MYH8: variants seen among roughly 807,000 people sequenced by gnomAD.
The protein encoded by MYH8 is myosin-8.
MYH8 carries 168 observed loss-of-function variants against 233.2 expected under a neutral mutation model. That is an observed-to-expected ratio of 0.72 (90% CI 0.64 to 0.82). MYH8 has a LOEUF of 0.82. Ranked by LOEUF, MYH8 falls within the 40% of genes least tolerant of loss-of-function variation. The probability of loss-of-function intolerance (pLI) is 0.00; values close to 1 mark genes in which losing one functional copy is unlikely to be tolerated. For missense variants in MYH8, 1,995 were observed against 2,327.8 expected (o/e 0.86, Z 2.94); for synonymous variants, 785 against 850.6 (o/e 0.92, Z 1.34).
Position 10,400,608 on chromosome 17 carries a change from C to T in MYH8, c.3517G>A (p.Glu1173Lys). 6.2e-7 allele frequency: 1 copy of T among 1,614,230 alleles called. No homozygotes were observed. The highest frequency in any genetic ancestry group is 1.1e-5 in the South Asian group (1 of 91,088). The stretch of plus-strand genomic sequence containing the variant: ...AGGTCCCTGCGCAGTTTCTGAAACT[C>T]AGCCTCCCGCTTCTTGTTCAATTCC... ...QVELNKKREA[E>K]FQKLRRDLEE... Residue 1173 changes from glutamate (E) to lysine (K), a missense_variant, in exon 27 of 40, where the codon GAG (glutamate) becomes AAG (lysine). Transcript: ENST00000403437. The surrounding 1 kb of genome is among the most constrained non-coding windows in gnomAD (Gnocchi z 4.0).
chr17:10,415,624 G>T lies in MYH8; in HGVS notation c.540-44C>A, dbSNP rs1286225762. On this transcript the variant is annotated intron_variant, in intron 6 of 39. Coordinates refer to ENST00000403437, the MANE Select transcript of MYH8 (RefSeq NM_002472.3). This position sits in a 1 kb window ranked among gnomAD's most constrained non-coding sequence, Gnocchi z 4.1. ...AGAAGAGATCAGAGAACTATGGCCT[G>T]CATTGTCAACATCTAAGACAATCCT... 6.2e-7 allele frequency: 1 copy of T among 1,613,328 alleles called. No homozygotes were observed. The highest frequency in any genetic ancestry group is 2.2e-5 in the East Asian group (1 of 44,870).
chr17:10,412,261 G>A (rs980510690), intron 14 of MYH8, 109 bp downstream of exon 14: 33 of 1,604,936 alleles, frequency 2.1e-5, no homozygotes, highest in Non-Finnish European at 2.5e-5. Context: ...TCTAGGTGCA[G>A]TGTTGGAGCA....
rs892269115 is a variant in MYH8, at chr17:10,398,868, A to G, written c.3881T>C (p.Leu1294Ser). 9 of 1,612,832 alleles carry G rather than the reference A, an allele frequency of 5.6e-6. No homozygotes were observed. The African/African-American group carries it at 6.7e-5, about 12-fold the overall frequency. Residue 1294 changes from leucine to serine, a missense_variant, in exon 29 of 40, where the codon TTA becomes TCA. Transcript: ENST00000403437. Reference protein sequence around the residue: ...QTEAGEYSRQLDEKDALVSQL... With the variant: ...QTEAGEYSRQSDEKDALVSQL... ...AGAGACTAAAGCATCTTTCTCATCT[A>G]ATTGTCGAGAATATTCACCTAGGAA...
At chr17:10,393,284 T>A in intron 35 of MYH8, 74 bp from the exon 36 acceptor site, 1 of 1,585,638 alleles carries the variant, frequency 6.3e-7, no homozygotes, top group Non-Finnish European at 8.7e-7. Context: ...GTCTTACTTG[T>A]TGGTTCGTGC....
Position 10,400,522 on chromosome 17 carries a change from G to C in MYH8, c.3603C>G (p.Asp1201Glu), listed in dbSNP as rs143575170. 6.2e-7 allele frequency: 1 copy of C among 1,614,186 alleles called. No individual in the cohort carries two copies. The highest frequency in any genetic ancestry group is 1.1e-5 in the South Asian group (1 of 91,082). The change falls in exon 27 of 40, where the codon GAC (aspartate) becomes GAG (glutamate). Residue 1201 changes from aspartate (D) to glutamate (E), a missense_variant. Transcript: ENST00000403437. This position sits in a 1 kb window ranked among gnomAD's most constrained non-coding sequence, Gnocchi z 4.0. ...TCTGCTCCCCAAGCTCAGCCATACT[G>C]TCTGCGTGCTTCTTCCGAAGAGCAG... Reference protein sequence around the residue: ...MVAALRKKHADSMAELGEQID... With the variant: ...MVAALRKKHAESMAELGEQID...
At position 10,409,364 on chromosome 17, in the gene MYH8, CA is replaced by C. The variant is rs1209557330; in HGVS notation, c.1811del (p.Leu604ArgfsTer14). 1 of 1,614,200 alleles carries C rather than the reference CA, an allele frequency of 6.2e-7. No individual in the cohort carries two copies. Among genetic ancestry groups the C allele is most frequent in the Admixed American group, 1.7e-5 (1 of 60,034 alleles). On this transcript the variant is annotated frameshift_variant, in exon 16 of 40. Coordinates refer to ENST00000403437, the MANE Select transcript of MYH8 (RefSeq NM_002472.3). LOFTEE classifies it high-confidence loss of function. Reference sequence around the variant, plus strand: ...GGTACAGCCCAACCACAGTATCATTCAGGGGGTCCTTATTTTTGTCCAGCCA... The same window carrying C: ...GGTACAGCCCAACCACAGTATCATTCGGGGGTCCTTATTTTTGTCCAGCCA... ...TGWLDKNKDP[L>X]NDTVVGLYQK...
rs761089254 is a variant in MYH8 at position 10,401,637 on chromosome 17, A to G, written c.2837T>C (p.Leu946Pro). 1 of 1,614,008 alleles carries G rather than the reference A, an allele frequency of 6.2e-7. No individual in the cohort carries two copies. Reference protein sequence around the residue: ...NAELTAKKRKLEDECSELKKD... With the variant: ...NAELTAKKRKPEDECSELKKD... The stretch of plus-strand genomic sequence containing the variant: ...CTTGAGTTCTGAACATTCATCCTCC[A>G]GTTTTCTCTTCTTGGCTGTCAGCTC... The change falls in exon 23 of 40, where the codon CTG becomes CCG. Residue 946 changes from leucine to proline, a missense_variant. Physicochemically the swap from Leu to Pro is moderately conservative, Grantham distance 98 (BLOSUM62 -3). Around this residue, in one of 3 missense-constraint regions of MYH8, gnomAD observed 1,498 missense variants for 1,680.9 expected, o/e 0.89. Coordinates refer to ENST00000403437, the MANE Select transcript of MYH8 (RefSeq NM_002472.3).
Position 10,398,881 on chromosome 17 carries a change from A to G in MYH8, c.3868T>C (p.Tyr1290His). ...TCTTTCTCATCTAATTGTCGAGAAT[A>G]TTCACCTAGGAATAATAGACATAAG... ...RARLQTEAGE[Y>H]SRQLDEKDAL... The change falls in exon 29 of 40, where the codon TAT (tyrosine) becomes CAT (histidine). Residue 1290 changes from tyrosine to histidine, a missense_variant. Around this residue, in one of 3 missense-constraint regions of MYH8, gnomAD observed 1,498 missense variants for 1,680.9 expected, o/e 0.89. Coordinates refer to ENST00000403437, the MANE Select transcript of MYH8 (RefSeq NM_002472.3). The G allele has an allele frequency of 6.2e-7, 1 of 1,611,780 alleles. No homozygotes were observed.
rs776973629 is a variant in MYH8, at chr17:10,406,983, G to A, written c.1966-4C>T. The A allele has an allele frequency of 8.1e-6, 13 of 1,611,430 alleles. No homozygotes were observed. Among genetic ancestry groups the A allele is most frequent in the Non-Finnish European group, 1.1e-5 (13 of 1,177,732 alleles). On this transcript the variant is annotated splice_region_variant and splice_polypyrimidine_tract_variant and intron_variant, in intron 17 of 39. Transcript: ENST00000403437. ...TCATCAATTTATTTAAATTTTCCTA[G>A]AAAACCAGACAGAAAGGACTTGATG... is the stretch of plus-strand genomic sequence containing the variant.
In MYH8 at chr17:10,412,496, C is replaced by A; in HGVS notation, c.1290G>T (p.Leu430=). The stretch of plus-strand genomic sequence containing the variant: ...ACATCTTCTCGTAGACGGCTTTGGC[C>A]AGAGCACCCACCGCATTGTACACCT... ...VQQVYNAVGA[L]AKAVYEKMFL... The change falls in exon 14 of 40, where the codon CTG becomes CTT. Residue 430 remains leucine (L), a synonymous_variant. Coordinates refer to ENST00000403437, the MANE Select transcript of MYH8 (RefSeq NM_002472.3). 6.2e-7 allele frequency: 1 copy of A among 1,614,176 alleles called. No homozygotes were observed. Among genetic ancestry groups the A allele is most frequent in the South Asian group, 1.1e-5 (1 of 91,076 alleles).
chr17:10,401,853 CA>C, intron 22 of MYH8, 68 bp from the exon 23 acceptor site: 2 of 1,592,694 alleles, frequency 1.3e-6, no homozygotes, highest in Non-Finnish European at 1.7e-6. Context: ...TTTTTTTGCG[CA>C]AAAATAATAG....
rs2072285573 is a variant in MYH8, at chr17:10,415,788, G to A, written c.512-80C>T. ...ATTGAATCAGTTCAGATCAAACACA[G>A]CTTGTTCTTTTTAACTTTTTGAAGA... On this transcript the variant is annotated intron_variant, in intron 5 of 39. Transcript: ENST00000403437. The surrounding 1 kb of genome is among the most constrained non-coding windows in gnomAD (Gnocchi z 4.1). 1.4e-6 allele frequency: 2 copies of A among 1,478,040 alleles called. No individual in the cohort carries two copies. The highest frequency in any genetic ancestry group is 1.9e-6 in the Non-Finnish European group (2 of 1,078,136). 91.6% of individuals were successfully genotyped at this position (1,478,040 alleles called of 1,614,324 possible).
chr17:10,409,434 G>A lies in MYH8; in HGVS notation c.1742C>T (p.Ser581Phe). Reference protein sequence around the residue: ...VVKGKAEAHFSLIHYAGTVDY... With the variant: ...VVKGKAEAHFFLIHYAGTVDY... ...CACAGTGCCAGCATAGTGAATCAGA[G>A]AGAAGTGGGCCTCAGCCTTGCCTTT... Residue 581 changes from serine (S) to phenylalanine (F), a missense_variant, in exon 16 of 40, where the codon TCT becomes TTT. Around this residue, in one of 3 missense-constraint regions of MYH8, gnomAD observed 1,498 missense variants for 1,680.9 expected, o/e 0.89. Coordinates refer to ENST00000403437, the MANE Select transcript of MYH8 (RefSeq NM_002472.3). 1.2e-6 allele frequency: 2 copies of A among 1,614,224 alleles called. No individual in the cohort carries two copies. The highest frequency in any genetic ancestry group is 8.5e-7 in the Non-Finnish European group (1 of 1,180,044).
Position 10,395,313 on chromosome 17 carries a change from A to G in MYH8, c.4782T>C (p.Thr1594=). 6.2e-7 allele frequency: 1 copy of G among 1,614,076 alleles called. No individual in the cohort carries two copies. Among genetic ancestry groups the G allele is most frequent in the Admixed American group, 1.7e-5 (1 of 60,012 alleles). Residue 1594 remains threonine, a synonymous_variant, in exon 34 of 40, where the codon ACT becomes ACC. Transcript: ENST00000403437. ...TGCTCTGCATTGTCTCCACGACTCT[A>G]GTGTGGTTTCTCTTCAGCTGGTCAA... is the stretch of plus-strand genomic sequence containing the variant. ...EEIDQLKRNH[T]RVVETMQSTL... is the part of the protein sequence containing the mutation.
At chr17:10,402,543 A>G (rs909514043) in intron 22 of MYH8, among the ~76,000 whole-genome samples, 31 of 151,978 alleles carry the variant, frequency 2.0e-4, no homozygotes, top group African/African-American at 7.2e-4. Flanking sequence ...GCCATATACC[A>G]TTTACCTAAA....
intron 14 of MYH8, among the ~76,000 whole-genome samples, chr17:10,411,674 A>G (rs1252077334): frequency 6.6e-6 from 1 of 152,226 alleles, no homozygotes; most frequent in Admixed American, 6.5e-5. Flanking sequence ...TTATTAAGGA[A>G]AGCTGATCTT....
rs184504446 is a variant in MYH8 at position 10,394,149 on chromosome 17, G to C, written c.5166+100C>G. 2.1e-4 allele frequency: 316 copies of C among 1,470,132 alleles called. 1 individual carries two copies. The African/African-American group carries it at 3.8e-3, about 18-fold the overall frequency. The allele number at this position is 1,470,132 out of a possible 1,614,324, so 91.1% of individuals were successfully genotyped here. On this transcript the variant is annotated intron_variant, in intron 35 of 39. Transcript: ENST00000403437. ...ATTTTTGAGCATATCCCCCATCCAT[G>C]TTTACATACACATATTTATACAAAT...
Position 10,395,249 on chromosome 17 carries a change from T to G in MYH8, c.4846A>C (p.Arg1616=). 6.2e-7 allele frequency: 1 copy of G among 1,614,212 alleles called. No individual in the cohort carries two copies. Among genetic ancestry groups the G allele is most frequent in the Non-Finnish European group, 8.5e-7 (1 of 1,180,036 alleles). ...TCTCCTTCCATTTTCTTCTTGACTC[T>G]CAGAGCATCATTTCTGCTTCTAATC... ...AEIRSRNDAL[R]VKKKMEGDLN... is the part of the protein sequence containing the mutation. The change falls in exon 34 of 40, where the codon AGA becomes CGA. Residue 1616 remains arginine, a synonymous_variant. Transcript: ENST00000403437.
In MYH8 at chr17:10,409,100, G is replaced by A. The variant is rs1462068594; in HGVS notation, c.1962C>T (p.Phe654=). The A allele has an allele frequency of 2.4e-5, 38 of 1,613,472 alleles. No individual in the cohort carries two copies. The highest frequency in any genetic ancestry group is 3.1e-5 in the Non-Finnish European group (36 of 1,179,558). The change falls in exon 17 of 40, where the codon TTC becomes TTT. Residue 654 remains phenylalanine (F), a synonymous_variant. Transcript: ENST00000403437. The part of the protein sequence containing the change: ...GSSFQTVSAL[F]RENLNKLMTN... ...TCAAATTAAATTTGTACTTTACCCTGAAAAGGGCAGACACAGTCTGGAAAG... is the reference window on the plus strand; with the variant it reads ...TCAAATTAAATTTGTACTTTACCCTAAAAAGGGCAGACACAGTCTGGAAAG...
Sources: allele counts gnomAD v4.1 joint callset (sites outside exome capture counted in the v4.1 genomes callset), GRCh38; gene constraint gnomAD v4.1.1; regional missense constraint gnomAD v4.1.1; non-coding constraint Gnocchi (gnomAD v3.1); transcripts MANE v1.5; gene names NCBI Gene and HGNC (gene_info 2026-07-23, HGNC 2026-07-21).